ITFG1: variants seen among roughly 807,000 people sequenced by gnomAD.
The protein encoded by ITFG1 is T-cell immunomodulatory protein.
ITFG1 carries 34 observed loss-of-function variants against 81.8 expected under a neutral mutation model. That is an observed-to-expected ratio of 0.42 (90% CI 0.32 to 0.55). The LOEUF (loss-of-function observed/expected upper bound fraction) is 0.55. ITFG1 is among the 20% of genes least tolerant of loss of function. The pLI, the probability that ITFG1 is intolerant of heterozygous loss-of-function variation, is 0.17. For missense variants in ITFG1, 672 were observed against 755.4 expected (o/e 0.89, Z 1.29); for synonymous variants, 285 against 270.6 (o/e 1.05, Z -0.52).
upstream of ITFG1, chr16:47,461,135 AG>A: frequency 7.8e-7 from 1 of 1,287,776 alleles, no homozygotes. Context: ...AGTGGCGCGC[AG>A]CCCCGGGACG....
intron 10 of ITFG1, among the ~76,000 whole-genome samples, chr16:47,300,385 C>T (rs1160930590): frequency 2.6e-5 from 4 of 152,214 alleles, no homozygotes; most frequent in East Asian, 1.9e-4. Context: ...TTGGTCACAA[C>T]GGTGTGTTGG....
chr16:47,460,589 T>A (rs3809677), intron 1 of ITFG1, among the ~76,000 whole-genome samples: 16,475 of 151,988 alleles, frequency 0.11, 1,214 homozygotes, highest in Non-Finnish European at 0.14. Flanking sequence ...GCAGACTTCT[T>A]AGGAACAAAA....
chr16:47,284,965 GAAC>G (rs1966864002), intron 10 of ITFG1, among the ~76,000 whole-genome samples: 1 of 152,094 alleles, frequency 6.6e-6, no homozygotes, highest in Admixed American at 6.5e-5. Context: ...AACTTACATA[GAAC>G]AACATCAGAA....
intron 9 of ITFG1, 58 bp downstream of exon 9, chr16:47,313,668 TAGA>T (rs1049360725): frequency 3.7e-5 from 32 of 869,220 alleles, no homozygotes; most frequent in Middle Eastern, 2.2e-4. Flanking sequence ...TTTCTAACCT[TAGA>T]AGATTTTTTT....
intron 14 of ITFG1, 38 bp from the exon 15 acceptor site, chr16:47,162,702 C>T (rs771641505): frequency 6.5e-7 from 1 of 1,544,552 alleles, no homozygotes; most frequent in South Asian, 1.2e-5. Flanking sequence ...AAAAACATCT[C>T]TGGAAACATT....
intron 14 of ITFG1, among the ~76,000 whole-genome samples, chr16:47,203,029 G>A (rs1965445987): frequency 6.6e-6 from 1 of 152,104 alleles, no homozygotes; most frequent in South Asian, 2.1e-4. Flanking sequence ...AAAGCAGGGT[G>A]TCCAAGTGAT....
chr16:47,388,121 T>C (rs1051191282), intron 6 of ITFG1, among the ~76,000 whole-genome samples: 18 of 152,010 alleles, frequency 1.2e-4, no homozygotes, highest in African/African-American at 4.3e-4. Context: ...ATTAGCAAAC[T>C]TCATGACAGA....
intron 5 of ITFG1, among the ~76,000 whole-genome samples, chr16:47,432,076 T>C (rs1330023845): frequency 4.6e-5 from 7 of 152,338 alleles, no homozygotes; most frequent in South Asian, 4.1e-4. Flanking sequence ...CCCAGAAACC[T>C]TGACTCATCA....
At chr16:47,208,397 T>A (rs1965526487) in intron 14 of ITFG1, among the ~76,000 whole-genome samples, 1 of 152,256 alleles carries the variant, frequency 6.6e-6, no homozygotes, top group African/African-American at 2.4e-5. Context: ...AAAGTACTCA[T>A]TAAGTGTAAG....
intron 13 of ITFG1, among the ~76,000 whole-genome samples, chr16:47,232,046 A>C (rs1965821740): frequency 6.6e-6 from 1 of 152,246 alleles, no homozygotes; most frequent in Non-Finnish European, 1.5e-5. Flanking sequence ...GCCAAGGAAG[A>C]TATGCAGCCT....
intron 12 of ITFG1, among the ~76,000 whole-genome samples, chr16:47,241,349 T>C (rs910657784): frequency 6.6e-6 from 1 of 152,166 alleles, no homozygotes; most frequent in Non-Finnish European, 1.5e-5. Context: ...TGTACATCAG[T>C]GTTCATAGCA....
chr16:47,164,172 TTTAG>T (rs1964855109), intron 14 of ITFG1, among the ~76,000 whole-genome samples: 2 of 152,006 alleles, frequency 1.3e-5, no homozygotes, highest in Admixed American at 6.5e-5. Context: ...TGTTTATTTG[TTTAG>T]TGACTTTTTT....
At chr16:47,418,396 CTTTT>C (rs977826668) in intron 6 of ITFG1, among the ~76,000 whole-genome samples, 3 of 151,748 alleles carry the variant, frequency 2.0e-5, no homozygotes, top group Non-Finnish European at 4.4e-5. Flanking sequence ...TCCCATTTAT[CTTTT>C]TTTTGTTTTT....
At chr16:47,411,543 C>T (rs1024333789) in intron 6 of ITFG1, among the ~76,000 whole-genome samples, 3 of 152,128 alleles carry the variant, frequency 2.0e-5, no homozygotes, top group Admixed American at 6.6e-5. Flanking sequence ...CTGCCCTTGA[C>T]CTACTGCATG....
intron 8 of ITFG1, among the ~76,000 whole-genome samples, chr16:47,333,670 G>A (rs1039924546): frequency 6.6e-6 from 1 of 152,156 alleles, no homozygotes; most frequent in Non-Finnish European, 1.5e-5. Flanking sequence ...TTCATACCAA[G>A]AGCTGTTTGG....
chr16:47,406,433 A>G (rs534689720), intron 6 of ITFG1, among the ~76,000 whole-genome samples: 1 of 152,180 alleles, frequency 6.6e-6, no homozygotes, highest in African/African-American at 2.4e-5. Context: ...TTTCATCAAG[A>G]GCTCCTTTTG....
chr16:47,213,664 A>G (rs1489304398), intron 14 of ITFG1, among the ~76,000 whole-genome samples: 1 of 152,222 alleles, frequency 6.6e-6, no homozygotes, highest in Non-Finnish European at 1.5e-5. Flanking sequence ...AATTTAATCA[A>G]TAATGCCTCC....
chr16:47,357,502 C>G (rs748648991), intron 8 of ITFG1, among the ~76,000 whole-genome samples: 2 of 151,114 alleles, frequency 1.3e-5, no homozygotes, highest in African/African-American at 2.4e-5. Context: ...GTAGTCCCAG[C>G]GACCCGGGAG....
intron 10 of ITFG1, among the ~76,000 whole-genome samples, chr16:47,276,481 C>G (rs944525961): frequency 6.6e-6 from 1 of 152,014 alleles, no homozygotes; most frequent in African/African-American, 2.4e-5. Context: ...TCAAATCAAT[C>G]AAGAAGTCAA....
Sources: gnomAD v4.1 joint callset for allele counts (sites outside exome capture counted in the v4.1 genomes callset) on GRCh38, gnomAD v4.1.1 for gene constraint, MANE v1.5 for transcripts, NCBI Gene and HGNC (gene_info 2026-07-23, HGNC 2026-07-21) for gene names.